XPR1: variants seen among roughly 807,000 people sequenced by gnomAD.
XPR1 encodes the protein xenotropic and polytropic retrovirus receptor 1.
In XPR1, 28 loss-of-function variants were observed where a neutral mutation model predicts 87.5. The ratio of observed to expected loss-of-function variants is 0.32; its 90% CI spans 0.24 to 0.44. The LOEUF is 0.44. Ranked by LOEUF, XPR1 falls within the 20% of genes least tolerant of loss-of-function variation. The pLI is 1.00. For missense variants in XPR1, 559 were observed against 862.3 expected (o/e 0.65, Z 4.41); for synonymous variants, 300 against 306.1 (o/e 0.98, Z 0.21).
intron 2 of XPR1, among the ~76,000 whole-genome samples, chr1:180,728,717 C>T (rs1658446521): frequency 6.6e-6 from 1 of 152,170 alleles, no homozygotes; most frequent in African/African-American, 2.4e-5. Flanking sequence ...GCTCAGTATT[C>T]CAAAGCTTGT....
At chr1:180,652,663 G>T (rs955438264) in intron 1 of XPR1, among the ~76,000 whole-genome samples, 8 of 152,166 alleles carry the variant, frequency 5.3e-5, no homozygotes, top group African/African-American at 1.9e-4. Context: ...AGAAATAAAG[G>T]TTTTAGCTCC....
At chr1:180,667,040 C>T (rs551818151) in intron 1 of XPR1, among the ~76,000 whole-genome samples, 5 of 152,164 alleles carry the variant, frequency 3.3e-5, no homozygotes, top group South Asian at 2.1e-4. Context: ...CTCAGGCTCC[C>T]GAGTTGCTGG....
chr1:180,704,251 T>TATATATATAC (rs1401335148), intron 2 of XPR1, among the ~76,000 whole-genome samples: 4 of 126,928 alleles, frequency 3.2e-5, no homozygotes, highest in African/African-American at 1.3e-4. Context: ...GCTGGATATA[T>TATATATATAC]ATATATATAT....
intron 2 of XPR1, among the ~76,000 whole-genome samples, chr1:180,785,780 TG>T (rs1255299479): frequency 6.6e-6 from 1 of 151,894 alleles, no homozygotes; most frequent in Non-Finnish European, 1.5e-5. Context: ...GCCCATGTTT[TG>T]CTTTTGGGTT....
intron 3 of XPR1, among the ~76,000 whole-genome samples, chr1:180,793,723 AAATTAC>A (rs1391785628): frequency 6.6e-6 from 1 of 152,152 alleles, no homozygotes; most frequent in African/African-American, 2.4e-5. Context: ...CATCTGAAGG[AAATTAC>A]AATTACAATA....
intron 2 of XPR1, among the ~76,000 whole-genome samples, chr1:180,735,611 C>CT (rs1447475184): frequency 6.6e-6 from 1 of 152,130 alleles, no homozygotes; most frequent in Non-Finnish European, 1.5e-5. Flanking sequence ...CTCTTGAACT[C>CT]TATTAACTAT....
At chr1:180,817,725 A>T (rs1650461722) in intron 7 of XPR1, among the ~76,000 whole-genome samples, 2 of 152,338 alleles carry the variant, frequency 1.3e-5, no homozygotes, top group Non-Finnish European at 2.9e-5. Flanking sequence ...TACATATTAC[A>T]TGATTCCATT....
chr1:180,662,467 G>A (rs1655812989), intron 1 of XPR1, among the ~76,000 whole-genome samples: 1 of 152,106 alleles, frequency 6.6e-6, no homozygotes. Context: ...TGGTCTGTAA[G>A]GTTTCCACTG....
intron 6 of XPR1, among the ~76,000 whole-genome samples, chr1:180,810,594 G>T (rs925592927): frequency 1.2e-4 from 18 of 151,566 alleles, no homozygotes; most frequent in Non-Finnish European, 1.2e-4. Context: ...AAAAAAAAAT[G>T]CTACCTCAGT....
At chr1:180,651,521 G>A (rs1454672863) in intron 1 of XPR1, among the ~76,000 whole-genome samples, 1 of 152,176 alleles carries the variant, frequency 6.6e-6, no homozygotes, top group Non-Finnish European at 1.5e-5. Flanking sequence ...TGTCACAGTT[G>A]AATTGGTAAT....
At chr1:180,763,004 G>A (rs1306090773) in intron 2 of XPR1, among the ~76,000 whole-genome samples, 4 of 152,086 alleles carry the variant, frequency 2.6e-5, no homozygotes, top group African/African-American at 4.8e-5. Flanking sequence ...AATGACTTGC[G>A]TTCACTGGGA....
chr1:180,679,846 A>G (rs1656503001), intron 1 of XPR1, among the ~76,000 whole-genome samples: 2 of 152,210 alleles, frequency 1.3e-5, no homozygotes, highest in South Asian at 4.1e-4. Flanking sequence ...AGATTTCATG[A>G]GTAAGAACTC....
intron 1 of XPR1, among the ~76,000 whole-genome samples, chr1:180,634,182 G>A (rs1478440479): frequency 1.3e-5 from 2 of 152,114 alleles, no homozygotes; most frequent in Non-Finnish European, 2.9e-5. Flanking sequence ...GGTCACAGAG[G>A]GGCAAAATTC....
At chr1:180,708,907 TTTGGGGG>T (rs1557967574) in intron 2 of XPR1, among the ~76,000 whole-genome samples, 1 of 25,570 alleles carries the variant, frequency 3.9e-5, no homozygotes, top group African/African-American at 1.4e-4. Context: ...TTTTTTTTTT[TTTGGGGG>T]GGGGGGGGCG....
At chr1:180,842,549 T>C (rs1427643886) in intron 11 of XPR1, among the ~76,000 whole-genome samples, 1 of 152,206 alleles carries the variant, frequency 6.6e-6, no homozygotes, top group Non-Finnish European at 1.5e-5. Context: ...AGTCTCCATA[T>C]TTTAAGAATT....
At chr1:180,836,470 G>A (rs904959913) in intron 10 of XPR1, 52 bp from the exon 11 acceptor site, 29 of 1,605,068 alleles carry the variant, frequency 1.8e-5, no homozygotes, top group Non-Finnish European at 2.3e-5. Context: ...TAAATGATGT[G>A]AACAAGTTAC....
chr1:180,655,809 CT>C (rs957921668), intron 1 of XPR1, among the ~76,000 whole-genome samples: 4 of 151,646 alleles, frequency 2.6e-5, no homozygotes, highest in African/African-American at 9.7e-5. Flanking sequence ...TGAGTACCAT[CT>C]TTTTTTAATT....
intron 9 of XPR1, among the ~76,000 whole-genome samples, chr1:180,830,768 A>G (rs756383694): frequency 2.0e-4 from 31 of 152,178 alleles, no homozygotes; most frequent in Non-Finnish European, 3.8e-4. Flanking sequence ...TATCAAGACA[A>G]TCTGCACAAT....
intron 11 of XPR1, among the ~76,000 whole-genome samples, chr1:180,843,761 C>T (rs1393399720): frequency 6.6e-6 from 1 of 150,750 alleles, no homozygotes; most frequent in Non-Finnish European, 1.5e-5. Context: ...TATCTCTAGT[C>T]ACCTTTGTTT....
Sources: allele counts gnomAD v4.1 joint callset (sites outside exome capture counted in the v4.1 genomes callset), GRCh38; gene constraint gnomAD v4.1.1; transcripts MANE v1.5; gene names NCBI Gene and HGNC (gene_info 2026-07-23, HGNC 2026-07-21).